Variants in KALRN observed in about 807,000 individuals in gnomAD.
KALRN encodes kalirin.
KALRN carries 70 observed loss-of-function variants against 353.7 expected under a neutral mutation model. The ratio of observed to expected loss-of-function variants is 0.20; its 90% CI spans 0.16 to 0.24. The LOEUF is 0.24. KALRN is among the 10% of genes least tolerant of loss of function. The pLI is 1.00. For missense variants in KALRN, 2,791 were observed against 3,756.7 expected, an observed-to-expected ratio of 0.74 and a Z score of 6.72; for synonymous variants, 1,391 against 1,434.8, an observed-to-expected ratio of 0.97 and a Z score of 0.69.
At chr3:124,224,229 ATT>A (rs201306974) in intron 1 of KALRN, among the ~76,000 whole-genome samples, 1 of 138,530 alleles carries the variant, frequency 7.2e-6, no homozygotes, top group Non-Finnish European at 1.6e-5. Flanking sequence ...GCCTTCCAGG[ATT>A]TTTTTTTTTT....
At position 124,446,828 on chromosome 3, in the gene KALRN, C is replaced by T. The variant is rs759684726; in HGVS notation, c.3495C>T (p.Thr1165=). 17 of 1,613,626 alleles carry T rather than the reference C, an allele frequency of 1.1e-5. No individual in the cohort carries two copies. The South Asian group carries it at 1.8e-4, about 17-fold the overall frequency. The change falls in exon 21 of 60, where the codon ACC becomes ACT. Residue 1165 remains threonine (T), a synonymous_variant. Transcript: ENST00000682506. The part of the protein sequence containing the change: ...YLSTHTSTGE[T]TEETQELLKE... Reference sequence around the variant, plus strand: ...CAACACATACCTCCACTGGAGAGACCACAGAGGAGACTCAGGAACTGCTGA... The same window carrying T: ...CAACACATACCTCCACTGGAGAGACTACAGAGGAGACTCAGGAACTGCTGA...
At chr3:124,061,648 A>ACAGTATGT (rs1482431821) in intron 1 of KALRN, among the ~76,000 whole-genome samples, 3 of 152,222 alleles carry the variant, frequency 2.0e-5, no homozygotes, top group Admixed American at 6.6e-5. Flanking sequence ...GTTTTCAAGA[A>ACAGTATGT]CAGTATGTGG....
intron 33 of KALRN, among the ~76,000 whole-genome samples, chr3:124,507,323 A>G (rs1454849702): frequency 6.6e-6 from 1 of 152,184 alleles, no homozygotes; most frequent in Non-Finnish European, 1.5e-5. Flanking sequence ...AAAAATCTTA[A>G]AAGAGAAAGA....
rs528837968 is a variant in KALRN, at chr3:124,368,317, C to T, written c.1771-16528C>T. Among the ~76,000 whole-genome samples, 14 of 147,914 alleles carry T rather than the reference C, an allele frequency of 9.5e-5. 1 individual carries two copies. The highest frequency in any genetic ancestry group is 2.1e-4 in the South Asian group (1 of 4,656). Reference sequence around the variant, plus strand: ...CTCACTTCCCAGATGGGGTGGCTGCCGGGCGGAGGGGCTCCTCATTTCTCA... The same window carrying T: ...CTCACTTCCCAGATGGGGTGGCTGCTGGGCGGAGGGGCTCCTCATTTCTCA... On this transcript the variant is annotated intron_variant, in intron 10 of 59. Coordinates refer to ENST00000682506, the MANE Select transcript of KALRN (RefSeq NM_001388419.1).
At chr3:124,337,398 T>A (rs1229203161) in intron 9 of KALRN, among the ~76,000 whole-genome samples, 1 of 152,194 alleles carries the variant, frequency 6.6e-6, no homozygotes. Flanking sequence ...TCTATTGAGA[T>A]ATCATGTGGT....
At chr3:124,259,051 G>C (rs1046141996) in intron 3 of KALRN, among the ~76,000 whole-genome samples, 1 of 152,188 alleles carries the variant, frequency 6.6e-6, no homozygotes, top group East Asian at 1.9e-4. Context: ...CTGCTATTCA[G>C]GAAAAACTTG....
At position 124,236,143 on chromosome 3, in the gene KALRN, CTG is replaced by C. The variant is rs201153772; in HGVS notation, c.263+1202_263+1203del. 2.2e-4 allele frequency among the ~76,000 whole-genome samples: 33 copies of C among 149,058 alleles called. 1 individual carries two copies. The East Asian group carries it at 6.3e-3, about 29-fold the overall frequency. On this transcript the variant is annotated intron_variant, in intron 3 of 59. Coordinates refer to ENST00000682506, the MANE Select transcript of KALRN (RefSeq NM_001388419.1). Reference sequence around the variant, plus strand: ...TGAACAAGTAGATGCTGAATAGTGTCTGTTTTTTTTTTTCTTTATGATATCCA... The same window carrying C: ...TGAACAAGTAGATGCTGAATAGTGTCTTTTTTTTTTTCTTTATGATATCCA...
chr3:124,616,120 A>G (rs139429545), intron 34 of KALRN, among the ~76,000 whole-genome samples: 35 of 152,312 alleles, frequency 2.3e-4, no homozygotes, highest in African/African-American at 8.4e-4. Flanking sequence ...TACTTCCTCC[A>G]TATATGCAGT....
intron 33 of KALRN, among the ~76,000 whole-genome samples, chr3:124,535,980 A>G (rs1398585752): frequency 6.6e-6 from 1 of 152,044 alleles, no homozygotes; most frequent in East Asian, 1.9e-4. Flanking sequence ...GCCATCCCCC[A>G]TATTAAAAAG....
chr3:124,455,835 G>C (rs567985804), intron 22 of KALRN, among the ~76,000 whole-genome samples: 1 of 152,298 alleles, frequency 6.6e-6, no homozygotes, highest in South Asian at 2.1e-4. Context: ...CATGAACCAG[G>C]GAAGATGGAC....
At chr3:124,497,770 GGGT>G (rs1200481863) in intron 33 of KALRN, among the ~76,000 whole-genome samples, 1 of 152,188 alleles carries the variant, frequency 6.6e-6, no homozygotes, top group African/African-American at 2.4e-5. Flanking sequence ...AACAGTCAGT[GGGT>G]GGTAAGTCAA....
At chr3:124,411,262 G>A (rs1242380442) in intron 13 of KALRN, among the ~76,000 whole-genome samples, 1 of 151,994 alleles carries the variant, frequency 6.6e-6, no homozygotes, top group African/African-American at 2.4e-5. Flanking sequence ...AGGCTCTATA[G>A]TTTATTTTTG....
intron 34 of KALRN, among the ~76,000 whole-genome samples, chr3:124,631,043 A>G (rs1433840070): frequency 2.6e-5 from 4 of 151,796 alleles, no homozygotes; most frequent in East Asian, 1.9e-4. Flanking sequence ...TCTTAGGTCA[A>G]CTCTCCTGAC....
intron 34 of KALRN, among the ~76,000 whole-genome samples, chr3:124,596,093 G>A (rs1158590960): frequency 6.6e-6 from 1 of 151,782 alleles, no homozygotes; most frequent in African/African-American, 2.4e-5. Flanking sequence ...GAAACAAACA[G>A]GTGAAATTAG....
intron 36 of KALRN, among the ~76,000 whole-genome samples, chr3:124,636,396 A>G (rs888652730): frequency 2.6e-5 from 4 of 152,190 alleles, no homozygotes; most frequent in African/African-American, 9.7e-5. Context: ...GAAGCCCCAA[A>G]CCATTGACCA....
At chr3:124,487,719 C>T (rs1335710463) in intron 28 of KALRN, among the ~76,000 whole-genome samples, 1 of 152,214 alleles carries the variant, frequency 6.6e-6, no homozygotes, top group African/African-American at 2.4e-5. Context: ...GGATGGAAGT[C>T]AGCATTCAGG....
At chr3:124,126,005 G>T (rs114081033) in intron 1 of KALRN, among the ~76,000 whole-genome samples, 1 of 152,128 alleles carries the variant, frequency 6.6e-6, no homozygotes, top group Non-Finnish European at 1.5e-5. Context: ...CCCAAATCTC[G>T]ACAGCTTACC....
At chr3:124,478,483 C>T (rs981041322) in intron 27 of KALRN, among the ~76,000 whole-genome samples, 2 of 152,126 alleles carry the variant, frequency 1.3e-5, no homozygotes, top group Non-Finnish European at 2.9e-5. Context: ...AAAGAAATGA[C>T]ACTTGAATGG....
intron 33 of KALRN, among the ~76,000 whole-genome samples, chr3:124,542,699 AC>A (rs1289280130): frequency 2.0e-5 from 3 of 152,146 alleles, no homozygotes; most frequent in Non-Finnish European, 4.4e-5. Flanking sequence ...GAGTCCTCTG[AC>A]CCAAACTCCC....
Sources: allele counts gnomAD v4.1 joint callset (sites outside exome capture counted in the v4.1 genomes callset), GRCh38; gene constraint gnomAD v4.1.1; transcripts MANE v1.5; gene names NCBI Gene and HGNC (gene_info 2026-07-23, HGNC 2026-07-21).